Variants in ITSN2 observed in about 807,000 individuals in gnomAD.
ITSN2 encodes the protein intersectin 2.
Under a neutral mutation model 243.7 loss-of-function variants are expected in ITSN2, and 156 were observed. The ratio of observed to expected loss-of-function variants is 0.64; its 90% CI spans 0.56 to 0.73. The LOEUF is 0.73. Ranked by LOEUF, ITSN2 falls within the 30% of genes least tolerant of loss-of-function variation. The probability of loss-of-function intolerance (pLI) is 0.00; values close to 1 mark genes in which losing one functional copy is unlikely to be tolerated. For missense variants in ITSN2, 1,801 were observed against 1,996.1 expected, an observed-to-expected ratio of 0.90 and a Z score of 1.86; for synonymous variants, 703 against 699.9, an observed-to-expected ratio of 1.00 and a Z score of -0.07.
At chr2:24,230,495 C>T (rs1242899885) in intron 29 of ITSN2, among the ~76,000 whole-genome samples, 6 of 152,140 alleles carry the variant, frequency 3.9e-5, no homozygotes, top group South Asian at 2.1e-4. Flanking sequence ...TGGCTGGGTG[C>T]GGTGGCTCAC....
intron 29 of ITSN2, among the ~76,000 whole-genome samples, chr2:24,233,656 T>C (rs1238628639): frequency 6.6e-6 from 1 of 152,188 alleles, no homozygotes; most frequent in Non-Finnish European, 1.5e-5. Flanking sequence ...AAATATTTAC[T>C]AAATGTTAGC....
Position 24,209,711 on chromosome 2 carries a change from G to A in ITSN2, c.4473+107C>T. On this transcript the variant is annotated intron_variant, in intron 35 of 39. Transcript: ENST00000355123. ...GGAAGCACGAGCGATCTGGAACCAG[G>A]TGAGGAGGGTCCCGTAAGGCCAGCT... 2 of 844,050 alleles carry A rather than the reference G, an allele frequency of 2.4e-6. 1 individual carries two copies. Among genetic ancestry groups the A allele is most frequent in the South Asian group, 3.1e-5 (2 of 64,922 alleles). The allele number at this position is 844,050 out of a possible 1,614,324, so 52.3% of individuals were successfully genotyped here.
At chr2:24,330,030 C>T (rs926072732) in intron 1 of ITSN2, among the ~76,000 whole-genome samples, 9 of 152,074 alleles carry the variant, frequency 5.9e-5, no homozygotes, top group Admixed American at 3.3e-4. Context: ...TAGCAAGGGC[C>T]CTTATTCATT....
At position 24,255,774 on chromosome 2, in the gene ITSN2, A is replaced by G. The variant is rs538315427; in HGVS notation, c.2889-1343T>C. On this transcript the variant is annotated intron_variant, in intron 23 of 39. Coordinates refer to ENST00000355123, the MANE Select transcript of ITSN2 (RefSeq NM_006277.3). The stretch of plus-strand genomic sequence containing the variant: ...AAACCCTGTCTCTACTAAAAATACA[A>G]AAATTAGGCTCATGCCTGTAATCCC... Among the ~76,000 whole-genome samples the G allele has an allele frequency of 4.0e-5, 6 of 150,428 alleles. No individual in the cohort carries two copies. In the East Asian group the frequency reaches 1.2e-3, roughly 30 times the overall value.
chr2:24,330,699 G>A, intron 1 of ITSN2: 1 of 681,858 alleles, frequency 1.5e-6, no homozygotes, highest in South Asian at 1.4e-5. Flanking sequence ...TTATAACTGT[G>A]TACTTCTGGT....
At chr2:24,215,199 GC>G (rs527323457) in intron 32 of ITSN2, among the ~76,000 whole-genome samples, 136 of 152,330 alleles carry the variant, frequency 8.9e-4, no homozygotes, top group African/African-American at 3.2e-3. Context: ...GTTTCTGGAA[GC>G]TTTGATGACA....
chr2:24,331,969 C>T (rs187531812), intron 1 of ITSN2, among the ~76,000 whole-genome samples: 128 of 152,290 alleles, frequency 8.4e-4, no homozygotes, highest in African/African-American at 2.6e-3. Flanking sequence ...TGTGGCCAGG[C>T]GCAGTGGTTC....
intron 15 of ITSN2, 93 bp downstream of exon 15, chr2:24,293,593 CAG>C (rs1170074445): frequency 5.7e-6 from 3 of 523,914 alleles, no homozygotes; most frequent in Admixed American, 3.8e-5. Flanking sequence ...TTATTTATAA[CAG>C]AATACTTTTT....
chr2:24,330,646 A>T, intron 1 of ITSN2: 1 of 739,932 alleles, frequency 1.4e-6, no homozygotes, highest in Non-Finnish European at 2.5e-6. Flanking sequence ...GGGGCACAGA[A>T]AGCTGAAAGT....
chr2:24,327,175 C>G (rs1021787684), intron 2 of ITSN2, among the ~76,000 whole-genome samples: 1 of 152,034 alleles, frequency 6.6e-6, no homozygotes, highest in South Asian at 2.1e-4. Context: ...ATGACAAACA[C>G]AGTAACTTAA....
intron 20 of ITSN2, among the ~76,000 whole-genome samples, chr2:24,264,306 G>C (rs1049522773): frequency 1.3e-5 from 2 of 151,658 alleles, no homozygotes; most frequent in African/African-American, 4.8e-5. Context: ...CAGGAGAATC[G>C]CTTGAACCAG....
intron 31 of ITSN2, 34 bp from the exon 32 acceptor site, chr2:24,216,266 A>G: frequency 6.6e-7 from 1 of 1,516,742 alleles, no homozygotes; most frequent in South Asian, 1.3e-5. Flanking sequence ...TGTGTTTCTA[A>G]GTGAATGACT....
chr2:24,237,180 C>CA (rs932980153), intron 29 of ITSN2, among the ~76,000 whole-genome samples: 1 of 151,804 alleles, frequency 6.6e-6, no homozygotes, highest in African/African-American at 2.4e-5. Flanking sequence ...TTCTGTATCT[C>CA]AAAAAAGAAA....
Position 24,209,160 on chromosome 2 carries a change from A to G in ITSN2, c.4535T>C (p.Val1512Ala). 6.2e-7 allele frequency: 1 copy of G among 1,614,128 alleles called. No individual in the cohort carries two copies. Among genetic ancestry groups the G allele is most frequent in the Non-Finnish European group, 8.5e-7 (1 of 1,179,988 alleles). ...LPTDPSSDEPVFHISHIDRVY... is the reference protein window; with the variant it reads ...LPTDPSSDEPAFHISHIDRVY... Reference sequence around the variant, plus strand: ...CCGATCAATGTGGGAAATGTGGAAGACAGGCTCATCGCTGGAAGGGTCTGT... The same window carrying G: ...CCGATCAATGTGGGAAATGTGGAAGGCAGGCTCATCGCTGGAAGGGTCTGT... Residue 1512 changes from valine (V) to alanine (A), a missense_variant, in exon 36 of 40, where the codon GTC (valine) becomes GCC (alanine). By Grantham distance (64) the Val-to-Ala change is moderately conservative. This residue lies in a region of ITSN2 where 928 missense variants were observed against 1,065.4 expected (regional missense o/e 0.87). Coordinates refer to ENST00000355123, the MANE Select transcript of ITSN2 (RefSeq NM_006277.3).
intron 11 of ITSN2, among the ~76,000 whole-genome samples, chr2:24,300,621 A>C (rs924256876): frequency 6.6e-6 from 1 of 152,022 alleles, no homozygotes; most frequent in African/African-American, 2.4e-5. Context: ...CAGGAGGCTG[A>C]GACAGGAGAA....
intron 27 of ITSN2, among the ~76,000 whole-genome samples, chr2:24,247,424 A>G (rs1343937436): frequency 6.6e-6 from 1 of 152,164 alleles, no homozygotes; most frequent in African/African-American, 2.4e-5. Context: ...GTATCCTTTC[A>G]TTGCAATAAA....
At chr2:24,229,177 G>C (rs1018465208) in intron 29 of ITSN2, among the ~76,000 whole-genome samples, 1 of 152,108 alleles carries the variant, frequency 6.6e-6, no homozygotes, top group Non-Finnish European at 1.5e-5. Context: ...ATCTATAATC[G>C]TAGTAGAGTT....
intron 2 of ITSN2, chr2:24,326,720 C>A (rs72855459): frequency 0.021 from 3,519 of 169,106 alleles, 138 homozygotes; most frequent in African/African-American, 0.08. Context: ...ATCTTTACTT[C>A]AAGTCTATCC....
chr2:24,275,686 G>C (rs1388073226), intron 18 of ITSN2, 27 bp downstream of exon 18: 2 of 1,572,484 alleles, frequency 1.3e-6, no homozygotes, highest in Non-Finnish European at 1.7e-6. Context: ...TGGCAATATA[G>C]CACAATAAAT....
Sources: gnomAD v4.1 joint callset for allele counts (sites outside exome capture counted in the v4.1 genomes callset) on GRCh38, gnomAD v4.1.1 for gene constraint, gnomAD v4.1.1 regional missense constraint, MANE v1.5 for transcripts, NCBI Gene and HGNC (gene_info 2026-07-23, HGNC 2026-07-21) for gene names.